Variants in TMEM132C observed in about 807,000 individuals in gnomAD.
The protein encoded by TMEM132C is protein phosphatase 1, regulatory subunit 152.
TMEM132C carries 29 observed loss-of-function variants against 61.4 expected under a neutral mutation model. That is an observed-to-expected ratio of 0.47 (90% CI 0.35 to 0.64). The LOEUF is 0.64. Ranked by LOEUF, TMEM132C falls within the 30% of genes least tolerant of loss-of-function variation. TMEM132C has a pLI of 0.00. For synonymous variants in TMEM132C, 656 were observed against 633.1 expected (o/e 1.04, Z -0.54); for missense variants, 1,408 against 1,476.9 (o/e 0.95, Z 0.76).
At chr12:128,355,883 A>G (rs1873487655) in intron 1 of TMEM132C, among the ~76,000 whole-genome samples, 1 of 152,068 alleles carries the variant, frequency 6.6e-6, no homozygotes. Flanking sequence ...TGCCCTACAT[A>G]AAATTGCAGC....
intron 5 of TMEM132C, among the ~76,000 whole-genome samples, chr12:128,680,234 G>A (rs577016045): frequency 1.3e-5 from 2 of 152,282 alleles, no homozygotes; most frequent in South Asian, 2.1e-4. Flanking sequence ...GATGAGGCAG[G>A]TACTACTCTA....
intron 2 of TMEM132C, among the ~76,000 whole-genome samples, chr12:128,485,834 C>G (rs1030257298): frequency 1.3e-5 from 2 of 152,160 alleles, no homozygotes; most frequent in Non-Finnish European, 1.5e-5. Context: ...ACGGAGGGCG[C>G]GGAGGTTTCT....
At chr12:128,548,970 ATGT>A (rs1874059323) in intron 3 of TMEM132C, among the ~76,000 whole-genome samples, 1 of 152,094 alleles carries the variant, frequency 6.6e-6, no homozygotes, top group Non-Finnish European at 1.5e-5. Flanking sequence ...GCATCCATGG[ATGT>A]TGTCATCTGC....
At position 128,706,178 on chromosome 12, in the gene TMEM132C, G is replaced by C. The variant is rs577741464; in HGVS notation, c.3210G>C (p.Thr1070=). The C allele has an allele frequency of 5.8e-6, 9 of 1,550,792 alleles. No individual in the cohort carries two copies. The African/African-American group carries it at 9.6e-5, about 16-fold the overall frequency. ...TCCCCCCGGACGACAGCTGCCCCACGGTGAACTCCATCGTCAGCAGCAATG... is the reference window on the plus strand; with the variant it reads ...TCCCCCCGGACGACAGCTGCCCCACCGTGAACTCCATCGTCAGCAGCAATG... ...TTIPPDDSCP[T]VNSIVSSNDE... is the part of the protein sequence containing the mutation. The change falls in exon 9 of 9, where the codon ACG becomes ACC. Residue 1070 remains threonine (T), a synonymous_variant. Coordinates refer to ENST00000435159, the MANE Select transcript of TMEM132C (RefSeq NM_001136103.3).
intron 1 of TMEM132C, among the ~76,000 whole-genome samples, chr12:128,374,487 G>GC (rs1874126045): frequency 6.6e-6 from 1 of 152,146 alleles, no homozygotes; most frequent in Non-Finnish European, 1.5e-5. Context: ...GGGAAGGAGA[G>GC]CCAGCACCTG....
intron 3 of TMEM132C, among the ~76,000 whole-genome samples, chr12:128,604,446 T>TAGATAGAG (rs1565988500): frequency 2.7e-5 from 4 of 149,652 alleles, no homozygotes; most frequent in African/African-American, 1.0e-4. Context: ...GATAGATAGA[T>TAGATAGAG]AGATAATAGA....
chr12:128,359,329 C>T (rs1423469021), intron 1 of TMEM132C, among the ~76,000 whole-genome samples: 1 of 152,174 alleles, frequency 6.6e-6, no homozygotes, highest in Non-Finnish European at 1.5e-5. Context: ...CAAGAGAGAG[C>T]ATGTGCAGGG....
At chr12:128,370,926 A>T (rs1518380) in intron 1 of TMEM132C, among the ~76,000 whole-genome samples, 1 of 152,122 alleles carries the variant, frequency 6.6e-6, no homozygotes, top group African/African-American at 2.4e-5. Flanking sequence ...AAGGACTCAT[A>T]TACTAACTCA....
Position 128,361,426 on chromosome 12 carries a change from G to A in TMEM132C, c.86-53306G>A, listed in dbSNP as rs774579295. Among the ~76,000 whole-genome samples the A allele has an allele frequency of 2.0e-5, 3 of 152,282 alleles. No individual in the cohort carries two copies. In the South Asian group the frequency reaches 6.2e-4, roughly 32 times the overall value. On this transcript the variant is annotated intron_variant, in intron 1 of 8. Transcript: ENST00000435159. ...GAATCTCAAATTTGCGGGCACCAACGAGATCAGAAGTGCCTGCCTGACCCT... is the reference window on the plus strand; with the variant it reads ...GAATCTCAAATTTGCGGGCACCAACAAGATCAGAAGTGCCTGCCTGACCCT...
At chr12:128,696,931 A>G (rs1190501250) in intron 7 of TMEM132C, among the ~76,000 whole-genome samples, 1 of 152,246 alleles carries the variant, frequency 6.6e-6, no homozygotes, top group Non-Finnish European at 1.5e-5. Context: ...CGTGCATTGT[A>G]CAAGCATACT....
rs149537827 is a variant in TMEM132C at position 128,569,848 on chromosome 12, G to A, written c.1121+25745G>A. On this transcript the variant is annotated intron_variant, in intron 3 of 8. Coordinates refer to ENST00000435159, the MANE Select transcript of TMEM132C (RefSeq NM_001136103.3). ...AGCTGCCTCAGATAGAGCCCTGATC[G>A]CATTCCATCTTTTGCCAAAATCACA... Among the ~76,000 whole-genome samples, 808 of 152,240 alleles carry A rather than the reference G, an allele frequency of 5.3e-3. 9 individuals carry two copies. The highest frequency in any genetic ancestry group is 0.019 in the African/African-American group (772 of 41,534).
At chr12:128,448,517 T>C (rs1424510083) in intron 2 of TMEM132C, among the ~76,000 whole-genome samples, 1 of 152,138 alleles carries the variant, frequency 6.6e-6, no homozygotes, top group Non-Finnish European at 1.5e-5. Flanking sequence ...CTTGTTTGCA[T>C]GGAAGTCCCA....
At chr12:128,679,044 T>C (rs974511849) in intron 5 of TMEM132C, among the ~76,000 whole-genome samples, 14 of 152,210 alleles carry the variant, frequency 9.2e-5, no homozygotes, top group African/African-American at 3.4e-4. Flanking sequence ...ATCTCAGATA[T>C]GGAGATCCTA....
At chr12:128,557,073 T>C (rs1874356478) in intron 3 of TMEM132C, among the ~76,000 whole-genome samples, 1 of 152,030 alleles carries the variant, frequency 6.6e-6, no homozygotes, top group Admixed American at 6.5e-5. Flanking sequence ...GTCAATATTT[T>C]AGTCCTCTTC....
At chr12:128,658,040 A>G (rs1954344738) in intron 4 of TMEM132C, among the ~76,000 whole-genome samples, 1 of 146,046 alleles carries the variant, frequency 6.8e-6, no homozygotes, top group African/African-American at 2.5e-5. Context: ...ACAAGGCAGG[A>G]GCAGGGACGC....
intron 1 of TMEM132C, among the ~76,000 whole-genome samples, chr12:128,358,929 A>G (rs2135969876): frequency 6.6e-6 from 1 of 152,320 alleles, no homozygotes; most frequent in East Asian, 1.9e-4. Flanking sequence ...CACAAATGGT[A>G]GTATTATAGC....
intron 1 of TMEM132C, among the ~76,000 whole-genome samples, chr12:128,308,716 G>C (rs948740845): frequency 9.2e-5 from 14 of 152,190 alleles, no homozygotes; most frequent in African/African-American, 3.4e-4. Flanking sequence ...TCATCTTCTG[G>C]GGGGAGCTGA....
chr12:128,562,823 A>G (rs1317121361), intron 3 of TMEM132C, among the ~76,000 whole-genome samples: 2 of 152,118 alleles, frequency 1.3e-5, no homozygotes, highest in African/African-American at 2.4e-5. Context: ...GATAGAGCAG[A>G]TTTCTCTCTT....
At chr12:128,334,786 C>T (rs866501361) in intron 1 of TMEM132C, among the ~76,000 whole-genome samples, 5 of 151,984 alleles carry the variant, frequency 3.3e-5, no homozygotes, top group East Asian at 1.9e-4. Context: ...TTAGTAGAGA[C>T]GGGATTTCAC....
Sources: allele counts gnomAD v4.1 joint callset (sites outside exome capture counted in the v4.1 genomes callset), GRCh38; gene constraint gnomAD v4.1.1; transcripts MANE v1.5; gene names NCBI Gene and HGNC (gene_info 2026-07-23, HGNC 2026-07-21).